RYK: variants seen among roughly 807,000 people sequenced by gnomAD.
RYK encodes receptor like tyrosine kinase.
Under a neutral mutation model 70.2 loss-of-function variants are expected in RYK, and 21 were observed. The observed-to-expected ratio is 0.30, with a 90% CI of 0.21 to 0.43. RYK has a LOEUF of 0.43. Among genes scored for constraint, RYK ranks in the 20% least tolerant of loss-of-function variants. RYK has a pLI of 1.00. For synonymous variants in RYK, 267 were observed against 278.0 expected (o/e 0.96, Z 0.39); for missense variants, 604 against 753.3 (o/e 0.80, Z 2.32).
intron 6 of RYK, among the ~76,000 whole-genome samples, chr3:134,200,477 T>C (rs989624207): frequency 6.6e-6 from 1 of 152,118 alleles, no homozygotes; most frequent in African/African-American, 2.4e-5. Context: ...TTAAGAACTG[T>C]AACACTCACC....
At chr3:134,199,462 G>C (rs2013918640) in intron 6 of RYK, among the ~76,000 whole-genome samples, 2 of 152,166 alleles carry the variant, frequency 1.3e-5, no homozygotes, top group African/African-American at 4.8e-5. Flanking sequence ...ACTGAGTCCC[G>C]CCTGCTCTGC....
rs139491803 is a variant in RYK at position 134,203,744 on chromosome 3, G to A, written c.644-870C>T. On this transcript the variant is annotated intron_variant, in intron 5 of 14. Transcript: ENST00000623711. ...ATACCAGTGCATAAAATATACTACA[G>A]CAGTGCTGTCCAACAGAACTTTCTG... Among the ~76,000 whole-genome samples, 6 of 152,294 alleles carry A rather than the reference G, an allele frequency of 3.9e-5. No individual in the cohort carries two copies. The South Asian group carries it at 8.3e-4, about 21-fold the overall frequency.
chr3:134,202,012 C>T (rs1203515431), intron 6 of RYK, among the ~76,000 whole-genome samples: 1 of 152,234 alleles, frequency 6.6e-6, no homozygotes, highest in Admixed American at 6.5e-5. Flanking sequence ...TGTATTCACA[C>T]ACTTTACTAT....
intron 2 of RYK, among the ~76,000 whole-genome samples, chr3:134,220,077 G>A (rs929407777): frequency 7.2e-5 from 11 of 152,196 alleles, no homozygotes; most frequent in African/African-American, 2.4e-4. Context: ...CAGCACCTTT[G>A]TGGTATCACT....
At chr3:134,167,774 G>A (rs1344504184) in intron 13 of RYK, among the ~76,000 whole-genome samples, 2 of 152,172 alleles carry the variant, frequency 1.3e-5, no homozygotes, top group Admixed American at 1.3e-4. Flanking sequence ...ATTGACAAAT[G>A]GGATCTAATT....
At chr3:134,197,505 A>T (rs2013852858) in intron 6 of RYK, among the ~76,000 whole-genome samples, 1 of 152,248 alleles carries the variant, frequency 6.6e-6, no homozygotes, top group Non-Finnish European at 1.5e-5. Context: ...AATTATTGTT[A>T]CTAATTTATA....
At chr3:134,195,005 C>A (rs2107670394) in intron 7 of RYK, 77 bp downstream of exon 7, 1 of 988,214 alleles carries the variant, frequency 1.0e-6, no homozygotes, top group Admixed American at 1.8e-5. Flanking sequence ...CCCACAAGTA[C>A]ACTAACCATG....
intron 2 of RYK, among the ~76,000 whole-genome samples, chr3:134,221,190 C>CTTT (rs1247829212): frequency 7.9e-5 from 8 of 101,284 alleles, no homozygotes; most frequent in Admixed American, 2.0e-4. Context: ...CTTAACAGTT[C>CTTT]TTTTTCTTTT....
intron 11 of RYK, 51 bp downstream of exon 11, chr3:134,177,890 A>C: frequency 6.7e-7 from 1 of 1,501,050 alleles, no homozygotes; most frequent in Non-Finnish European, 9.2e-7. Context: ...TTTCAAAGAC[A>C]TTATCAGAAA....
At chr3:134,215,507 G>A (rs1007251116) in intron 2 of RYK, among the ~76,000 whole-genome samples, 11 of 152,194 alleles carry the variant, frequency 7.2e-5, no homozygotes, top group Admixed American at 5.2e-4. Flanking sequence ...TTTTCCCTCT[G>A]CAGTCTTTAA....
At chr3:134,227,770 C>T (rs563950074) in intron 1 of RYK, among the ~76,000 whole-genome samples, 1 of 152,086 alleles carries the variant, frequency 6.6e-6, no homozygotes, top group South Asian at 2.1e-4. Flanking sequence ...CCCGGGTTCA[C>T]GCCATTCTCC....
intron 4 of RYK, among the ~76,000 whole-genome samples, chr3:134,208,694 G>GA (rs1484164038): frequency 6.6e-6 from 1 of 152,136 alleles, no homozygotes; most frequent in Non-Finnish European, 1.5e-5. Context: ...TTTATTAAAA[G>GA]AAAGTTTAAC....
intron 1 of RYK, among the ~76,000 whole-genome samples, chr3:134,224,347 G>A (rs568303355): frequency 9.2e-5 from 14 of 152,166 alleles, no homozygotes; most frequent in South Asian, 2.1e-4. Flanking sequence ...AGAGAGAGAG[G>A]GGGCAGCTTA....
intron 1 of RYK, among the ~76,000 whole-genome samples, chr3:134,244,298 T>C (rs1197580981): frequency 6.6e-6 from 1 of 152,052 alleles, no homozygotes; most frequent in Non-Finnish European, 1.5e-5. Context: ...CTCAGTACAA[T>C]GAAAATTATC....
intron 6 of RYK, 68 bp from the exon 7 acceptor site, chr3:134,195,250 A>C (rs1030642033): frequency 1.8e-6 from 2 of 1,131,232 alleles, no homozygotes; most frequent in Non-Finnish European, 2.7e-6. Flanking sequence ...TTTTCCATAC[A>C]TACAAAATGC....
intron 8 of RYK, among the ~76,000 whole-genome samples, chr3:134,189,454 G>C (rs1238698013): frequency 6.6e-6 from 1 of 152,008 alleles, no homozygotes; most frequent in South Asian, 2.1e-4. Context: ...GGTAAAATGT[G>C]TTCCTAAAAA....
intron 6 of RYK, 181 bp from the exon 7 acceptor site, chr3:134,195,363 T>G: frequency 2.0e-6 from 1 of 491,518 alleles, no homozygotes; most frequent in Non-Finnish European, 3.6e-6. Flanking sequence ...CTCTATTTTT[T>G]CTTTCATTTC....
intron 2 of RYK, among the ~76,000 whole-genome samples, chr3:134,211,902 G>T (rs534668356): frequency 1.3e-5 from 2 of 152,324 alleles, no homozygotes; most frequent in African/African-American, 4.8e-5. Flanking sequence ...CTGACAGAGA[G>T]GCCATGGAGA....
rs533542232 is a variant in RYK, at chr3:134,165,009, G to C, written c.1576-5636C>G. The stretch of plus-strand genomic sequence containing the variant: ...GTTGATAATATTTTTCAAACTTGGA[G>C]AGAATATCTTGAGTTTTCTGACCAA... On this transcript the variant is annotated intron_variant, in intron 13 of 14. Coordinates refer to ENST00000623711, the MANE Select transcript of RYK (RefSeq NM_002958.4). Among the ~76,000 whole-genome samples, 43 of 152,286 alleles carry C rather than the reference G, an allele frequency of 2.8e-4. No homozygotes were observed. The South Asian group carries it at 8.9e-3, about 32-fold the overall frequency.
Sources: allele counts gnomAD v4.1 joint callset (sites outside exome capture counted in the v4.1 genomes callset), GRCh38; gene constraint gnomAD v4.1.1; transcripts MANE v1.5; gene names NCBI Gene and HGNC (gene_info 2026-07-23, HGNC 2026-07-21).